Variants in IRAK3 observed in about 807,000 individuals in gnomAD.
IRAK3 encodes interleukin-1 receptor-associated kinase 3.
A neutral mutation model predicts 56.6 loss-of-function variants in IRAK3; 57 were observed. That is an observed-to-expected ratio of 1.01 (90% CI 0.81 to 1.26). The LOEUF is 1.26. Among genes scored for constraint, IRAK3 ranks in the 50% most tolerant of loss-of-function variants. The probability of loss-of-function intolerance (pLI) is 0.00; values close to 1 mark genes in which losing one functional copy is unlikely to be tolerated. For missense variants in IRAK3, 703 were observed against 719.0 expected (o/e 0.98, Z 0.25); for synonymous variants, 258 against 255.7 (o/e 1.01, Z -0.09).
chr12:66,252,686 C>A lies in IRAK3; in HGVS notation c.*4515C>A, dbSNP rs1400742934. On this transcript the variant is annotated 3_prime_UTR_variant, in exon 12 of 12. Transcript: ENST00000261233. ...AGCTTATATGTAAGTGAATAAATCT[C>A]AGGGTGGTTCTCCTGTCATAGGTCC... The A allele has an allele frequency of 1.3e-5, 2 of 152,232 alleles. No homozygotes were observed. The highest frequency in any genetic ancestry group is 4.8e-5 in the African/African-American group (2 of 41,448). The allele number at this position is 152,232 out of a possible 1,614,324, so 9.4% of individuals were successfully genotyped here.
intron 8 of IRAK3, chr12:66,234,401 G>A: frequency 1.9e-6 from 3 of 1,611,068 alleles, no homozygotes; most frequent in Non-Finnish European, 2.5e-6. Flanking sequence ...CACCTGGTAG[G>A]CAGATACAGG....
intron 6 of IRAK3, among the ~76,000 whole-genome samples, chr12:66,219,302 G>A (rs983380989): frequency 6.6e-5 from 10 of 152,156 alleles, no homozygotes; most frequent in East Asian, 1.9e-4. Context: ...GGACCTGGTC[G>A]GAGATTATTG....
intron 8 of IRAK3, 46 bp downstream of exon 8, chr12:66,228,416 T>G (rs760032603): frequency 8.0e-7 from 1 of 1,256,538 alleles, no homozygotes; most frequent in South Asian, 1.2e-5. Context: ...GCTTCTTTTA[T>G]CCTCACATGT....
chr12:66,217,347 A>G (rs530224991), intron 6 of IRAK3, 112 bp downstream of exon 6: 1 of 817,084 alleles, frequency 1.2e-6, no homozygotes, highest in Non-Finnish European at 2.2e-6. Flanking sequence ...TTTGGGTTGG[A>G]TGTTAGAACT....
At chr12:66,197,238 T>A (rs1592574854) in intron 1 of IRAK3, 12 of 1,217,900 alleles carry the variant, frequency 9.9e-6, no homozygotes, top group Non-Finnish European at 9.2e-6. Context: ...TTTAGAATGC[T>A]TTTAACTTTA....
chr12:66,228,954 G>A (rs1312832116), intron 8 of IRAK3, among the ~76,000 whole-genome samples: 1 of 152,204 alleles, frequency 6.6e-6, no homozygotes, highest in East Asian at 1.9e-4. Flanking sequence ...CCATGGGTTT[G>A]TCAGGATGTA....
At chr12:66,247,163 G>T (rs770810868) in intron 11 of IRAK3, among the ~76,000 whole-genome samples, 4 of 152,130 alleles carry the variant, frequency 2.6e-5, no homozygotes, top group Admixed American at 6.5e-5. Context: ...CCAGCTACTT[G>T]GGAGGCTAAG....
chr12:66,202,839 A>AG (rs2052522391), intron 1 of IRAK3, among the ~76,000 whole-genome samples: 1 of 151,864 alleles, frequency 6.6e-6, no homozygotes, highest in African/African-American at 2.4e-5. Context: ...GAAAAAAAAA[A>AG]AGAACACAAG....
At chr12:66,206,291 C>T (rs921686064) in intron 2 of IRAK3, among the ~76,000 whole-genome samples, 3 of 152,176 alleles carry the variant, frequency 2.0e-5, no homozygotes, top group African/African-American at 7.2e-5. Context: ...AGTGGCAAGA[C>T]CAGACATCCT....
chr12:66,218,046 A>C (rs1007706582), intron 6 of IRAK3, among the ~76,000 whole-genome samples: 1 of 152,202 alleles, frequency 6.6e-6, no homozygotes, highest in Non-Finnish European at 1.5e-5. Context: ...TAAGATTCAA[A>C]CATTGCAAAA....
intron 6 of IRAK3, among the ~76,000 whole-genome samples, chr12:66,221,780 A>C (rs2052736241): frequency 6.6e-6 from 1 of 152,200 alleles, no homozygotes; most frequent in Non-Finnish European, 1.5e-5. Flanking sequence ...CTGTAATCCC[A>C]GCACTTTGGG....
At position 66,253,963 on chromosome 12, in the gene IRAK3, T is replaced by A. The variant is rs2053127704; in HGVS notation, c.*5792T>A. On this transcript the variant is annotated 3_prime_UTR_variant, in exon 12 of 12. Transcript: ENST00000261233. ...AATAACTTAAAAATTAAAAGTGTCC[T>A]CTATTTGAACATGAAAACAGCTAAT... The A allele has an allele frequency of 6.6e-6, 1 of 152,214 alleles. No individual in the cohort carries two copies. Among genetic ancestry groups the A allele is most frequent in the Non-Finnish European group, 1.5e-5 (1 of 68,032 alleles). 9.4% of individuals were successfully genotyped at this position (152,214 alleles called of 1,614,324 possible).
chr12:66,204,416 T>C (rs1465976655), intron 2 of IRAK3, among the ~76,000 whole-genome samples: 5 of 152,220 alleles, frequency 3.3e-5, no homozygotes, highest in Non-Finnish European at 7.3e-5. Flanking sequence ...CGTTTAACCC[T>C]GCCTTACTTG....
At chr12:66,207,121 T>G (rs1461445224) in intron 2 of IRAK3, among the ~76,000 whole-genome samples, 1 of 152,216 alleles carries the variant, frequency 6.6e-6, no homozygotes, top group Non-Finnish European at 1.5e-5. Flanking sequence ...GATTGTCAAT[T>G]TTAATGATCT....
Position 66,247,897 on chromosome 12 carries a change from C to T in IRAK3, c.1517C>T (p.Pro506Leu). ...ATAGACAGAATGACTCAGAAAACTC[C>T]TTTTGAATGCAGCCAGTCTGAGGTT... Reference protein sequence around the residue: ...LRIDRMTQKTPFECSQSEVMF... With the variant: ...LRIDRMTQKTLFECSQSEVMF... Residue 506 changes from proline to leucine, a missense_variant, in exon 12 of 12, where the codon CCT (proline) becomes CTT (leucine). Transcript: ENST00000261233. 1 of 1,614,194 alleles carries T rather than the reference C, an allele frequency of 6.2e-7. No individual in the cohort carries two copies. The highest frequency in any genetic ancestry group is 1.1e-5 in the South Asian group (1 of 91,082).
At chr12:66,197,006 C>A in intron 1 of IRAK3, 1 of 1,532,788 alleles carries the variant, frequency 6.5e-7, no homozygotes, top group African/African-American at 1.4e-5. Flanking sequence ...CCTTCAGAGA[C>A]ATATTTGCAT....
At chr12:66,226,644 A>T in intron 6 of IRAK3, 79 bp from the exon 7 acceptor site, 1 of 823,146 alleles carries the variant, frequency 1.2e-6, no homozygotes, top group Non-Finnish European at 2.1e-6. Context: ...ATCCCACCTT[A>T]CTACCCCCAC....
In IRAK3 at chr12:66,250,988, T is replaced by A. The variant is rs1470774346; in HGVS notation, c.*2817T>A. Reference sequence around the variant, plus strand: ...TCTTAAATTGTTATAGATTGGTAGATCCTACCTTTCCATCACTGGTATGTT... The same window carrying A: ...TCTTAAATTGTTATAGATTGGTAGAACCTACCTTTCCATCACTGGTATGTT... On this transcript the variant is annotated 3_prime_UTR_variant, in exon 12 of 12. Coordinates refer to ENST00000261233, the MANE Select transcript of IRAK3 (RefSeq NM_007199.3). 1 of 152,226 alleles carries A rather than the reference T, an allele frequency of 6.6e-6. No individual in the cohort carries two copies. The allele number at this position is 152,226 out of a possible 1,614,324, so 9.4% of individuals were successfully genotyped here.
rs374736471 is a variant in IRAK3, at chr12:66,226,796, T to C, written c.727T>C (p.Tyr243His). Residue 243 changes from tyrosine (Y) to histidine (H), a missense_variant, in exon 7 of 12, where the codon TAC (tyrosine) becomes CAC (histidine). Coordinates refer to ENST00000261233, the MANE Select transcript of IRAK3 (RefSeq NM_007199.3). ...ETEKFCLIYP[Y>H]MRNGTLFDRL... is the part of the protein sequence containing the mutation. ...TGAGAAGTTCTGTCTGATTTATCCA[T>C]ACATGAGAAATGGAACACTTTTTGA... 143 of 1,608,146 alleles carry C rather than the reference T, an allele frequency of 8.9e-5. No individual in the cohort carries two copies. Among genetic ancestry groups the C allele is most frequent in the Non-Finnish European group, 1.2e-4 (140 of 1,174,606 alleles).
Sources: gnomAD v4.1 joint callset for allele counts (sites outside exome capture counted in the v4.1 genomes callset) on GRCh38, gnomAD v4.1.1 for gene constraint, MANE v1.5 for transcripts, NCBI Gene and HGNC (gene_info 2026-07-23, HGNC 2026-07-21) for gene names.